Variants in PTK2B observed in about 807,000 individuals in gnomAD.
PTK2B encodes the protein protein-tyrosine kinase 2-beta.
PTK2B carries 71 observed loss-of-function variants against 142.9 expected under a neutral mutation model. That is an observed-to-expected ratio of 0.50 (90% CI 0.41 to 0.61). PTK2B has a LOEUF of 0.61. Ranked by LOEUF, PTK2B falls within the 20% of genes least tolerant of loss-of-function variation. The probability of loss-of-function intolerance (pLI) is 0.00; values close to 1 mark genes in which losing one functional copy is unlikely to be tolerated. For missense variants in PTK2B, 1,105 were observed against 1,320.4 expected (o/e 0.84, Z 2.53); for synonymous variants, 519 against 503.4 (o/e 1.03, Z -0.42).
chr8:27,435,978 A>G (rs1810752181), intron 14 of PTK2B, among the ~76,000 whole-genome samples, 185 bp downstream of exon 14: 2 of 151,748 alleles, frequency 1.3e-5, no homozygotes, highest in Non-Finnish European at 2.9e-5. Context: ...CTCTCCCTAT[A>G]CTGATTGACC....
chr8:27,409,864 G>A (rs1044075692), intron 2 of PTK2B, among the ~76,000 whole-genome samples: 5 of 152,116 alleles, frequency 3.3e-5, no homozygotes, highest in Non-Finnish European at 7.4e-5. Flanking sequence ...GGGTTTTATA[G>A]GCATGCACCA....
At chr8:27,358,712 C>T (rs1805527023) in intron 1 of PTK2B, among the ~76,000 whole-genome samples, 1 of 152,118 alleles carries the variant, frequency 6.6e-6, no homozygotes, top group East Asian at 1.9e-4. Context: ...TGCCATGCTT[C>T]ATCTTTGCCT....
intron 1 of PTK2B, among the ~76,000 whole-genome samples, chr8:27,350,901 G>A (rs558086999): frequency 3.6e-5 from 5 of 139,834 alleles, no homozygotes; most frequent in African/African-American, 1.1e-4. Flanking sequence ...GCTTGAACCC[G>A]GGAGGCAAAG....
intron 1 of PTK2B, among the ~76,000 whole-genome samples, chr8:27,374,691 G>T (rs1172935031): frequency 6.6e-6 from 1 of 152,140 alleles, no homozygotes; most frequent in Non-Finnish European, 1.5e-5. Context: ...GGCTCTGGAT[G>T]GGTTGGTTTG....
chr8:27,316,753 A>G (rs180872518), intron 3 of PTK2B, among the ~76,000 whole-genome samples: 48 of 152,378 alleles, frequency 3.2e-4, no homozygotes, highest in Admixed American at 9.8e-4. Flanking sequence ...TGAATAATGC[A>G]GGGAGAACTT....
rs781693148 is a variant in PTK2B at position 27,437,834 on chromosome 8, A to T, written c.1597A>T (p.Ile533Leu). The T allele has an allele frequency of 1.9e-6, 3 of 1,613,680 alleles. No individual in the cohort carries two copies. Among genetic ancestry groups the T allele is most frequent in the Non-Finnish European group, 2.5e-6 (3 of 1,179,904 alleles). ...VLTLVLYSLQICKAMAYLESI... is the reference protein window; with the variant it reads ...VLTLVLYSLQLCKAMAYLESI... Reference sequence around the variant, plus strand: ...CACCCTCGTGCTGTACTCACTGCAGATATGCAAAGCCATGGCCTACCTGGA... The same window carrying T: ...CACCCTCGTGCTGTACTCACTGCAGTTATGCAAAGCCATGGCCTACCTGGA... The change falls in exon 18 of 31, where the codon ATA becomes TTA. Residue 533 changes from isoleucine to leucine, a missense_variant. Ile to Leu is a conservative substitution (Grantham distance 5). Transcript: ENST00000346049.
At chr8:27,314,478 G>T (rs763153766) in intron 3 of PTK2B, among the ~76,000 whole-genome samples, 2 of 152,230 alleles carry the variant, frequency 1.3e-5, no homozygotes, top group African/African-American at 2.4e-5. Flanking sequence ...CAGGAAAATA[G>T]GGTCTGGAGG....
chr8:27,459,268 C>G lies in PTK2B; in HGVS notation c.*759C>G. 1 of 233,822 alleles carries G rather than the reference C, an allele frequency of 4.3e-6. No homozygotes were observed. Among genetic ancestry groups the G allele is most frequent in the South Asian group, 1.8e-4 (1 of 5,538 alleles). The allele number at this position is 233,822 out of a possible 1,614,324, so 14.5% of individuals were successfully genotyped here. A position where few individuals can be genotyped will look rare whatever the true frequency, so the allele number is the denominator to read the frequency against. On this transcript the variant is annotated 3_prime_UTR_variant, in exon 31 of 31. Transcript: ENST00000346049. ...GCTTTTCCCTCTTTTCTTACTCCTC[C>G]TCTTTCTCTCCCCAACCCCCATTCT...
intron 3 of PTK2B, among the ~76,000 whole-genome samples, chr8:27,317,521 C>G (rs145686980): frequency 1.3e-5 from 2 of 152,156 alleles, no homozygotes; most frequent in East Asian, 1.9e-4. Flanking sequence ...CTTGGTTAAG[C>G]GTATTTCCAA....
intron 17 of PTK2B, 106 bp downstream of exon 17, chr8:27,437,602 G>T: frequency 8.3e-7 from 1 of 1,208,608 alleles, no homozygotes; most frequent in Non-Finnish European, 1.2e-6. Context: ...ACTGAAATAA[G>T]CCAGAGGCCC....
intron 1 of PTK2B, among the ~76,000 whole-genome samples, chr8:27,374,113 TGGTAAA>T (rs1311825204): frequency 2.0e-5 from 3 of 152,000 alleles, no homozygotes; most frequent in Non-Finnish European, 4.4e-5. Flanking sequence ...GATACATAGG[TGGTAAA>T]TCCTGAGGCT....
At chr8:27,414,437 G>A (rs890374964) in intron 2 of PTK2B, among the ~76,000 whole-genome samples, 7 of 152,046 alleles carry the variant, frequency 4.6e-5, no homozygotes, top group East Asian at 1.9e-4. Flanking sequence ...TAGTAGAGAC[G>A]GGGTTTCACC....
intron 1 of PTK2B, among the ~76,000 whole-genome samples, chr8:27,395,524 C>G (rs1303689418): frequency 1.3e-5 from 2 of 152,152 alleles, no homozygotes; most frequent in Non-Finnish European, 2.9e-5. Context: ...CTCCTGTGTC[C>G]CCTGGGCCCT....
At chr8:27,436,754 A>AAG (rs1177052061) in intron 15 of PTK2B, among the ~76,000 whole-genome samples, 8 of 151,920 alleles carry the variant, frequency 5.3e-5, no homozygotes, top group African/African-American at 1.9e-4. Context: ...GGAAGAAAGA[A>AAG]AGAGGCAGTA....
intron 1 of PTK2B, among the ~76,000 whole-genome samples, chr8:27,339,433 CT>C (rs1295932234): frequency 6.6e-6 from 1 of 152,236 alleles, no homozygotes; most frequent in East Asian, 1.9e-4. Context: ...ACACAGCCCC[CT>C]CCCCATCCTT....
At chr8:27,412,229 C>G (rs1340123715) in intron 2 of PTK2B, among the ~76,000 whole-genome samples, 2 of 152,208 alleles carry the variant, frequency 1.3e-5, no homozygotes, top group Non-Finnish European at 1.5e-5. Flanking sequence ...CTCCCCTTCC[C>G]TCCCTGGAGG....
intron 2 of PTK2B, among the ~76,000 whole-genome samples, chr8:27,417,080 C>T (rs6994446): frequency 0.43 from 64,923 of 152,146 alleles, 14,312 homozygotes; most frequent in South Asian, 0.53. Context: ...AATTCCTCTT[C>T]TCAGCATTTA....
At chr8:27,432,841 T>C (rs1273040913) in intron 10 of PTK2B, among the ~76,000 whole-genome samples, 1 of 152,112 alleles carries the variant, frequency 6.6e-6, no homozygotes, top group African/African-American at 2.4e-5. Flanking sequence ...TTCTTTCTTT[T>C]TTTTAGACAA....
chr8:27,328,023 G>T (rs879805108), intron 1 of PTK2B, among the ~76,000 whole-genome samples: 1 of 152,188 alleles, frequency 6.6e-6, no homozygotes, highest in Non-Finnish European at 1.5e-5. Context: ...TACATAGTAG[G>T]GTTCATGCTT....
Sources: gnomAD v4.1 joint callset for allele counts (sites outside exome capture counted in the v4.1 genomes callset) on GRCh38, gnomAD v4.1.1 for gene constraint, MANE v1.5 for transcripts, NCBI Gene and HGNC (gene_info 2026-07-23, HGNC 2026-07-21) for gene names.